Variants in ZFYVE1 observed in about 807,000 individuals in gnomAD.
The protein encoded by ZFYVE1 is zinc finger FYVE domain-containing protein 1.
In ZFYVE1, 30 loss-of-function variants were observed where a neutral mutation model predicts 74.4. The ratio of observed to expected loss-of-function variants is 0.40; its 90% CI spans 0.30 to 0.55. The LOEUF (loss-of-function observed/expected upper bound fraction) is 0.55. ZFYVE1 is among the 20% of genes least tolerant of loss of function. The pLI is 0.42. For synonymous variants in ZFYVE1, 335 were observed against 385.1 expected (o/e 0.87, Z 1.52); for missense variants, 703 against 1,011.6 (o/e 0.69, Z 4.14).
intron 3 of ZFYVE1, among the ~76,000 whole-genome samples, chr14:72,994,938 G>A (rs556101685): frequency 1.3e-5 from 2 of 152,300 alleles, no homozygotes; most frequent in South Asian, 2.1e-4. Context: ...AACTACCAAT[G>A]TATAAGGGTA....
chr14:73,004,948 A>C (rs1017121688), intron 2 of ZFYVE1, among the ~76,000 whole-genome samples: 4 of 150,852 alleles, frequency 2.7e-5, no homozygotes, highest in Non-Finnish European at 4.4e-5. Context: ...GTGAGCCGAG[A>C]TCACGCCACT....
Position 72,970,626 on chromosome 14 carries a change from T to A in ZFYVE1, c.*256A>T, listed in dbSNP as rs531964416. On this transcript the variant is annotated 3_prime_UTR_variant, in exon 12 of 12. Transcript: ENST00000556143. Reference sequence around the variant, plus strand: ...AGAGAGATATACACATATATATTCATTATTTTTAACTGAAATAAATGCAAC... The same window carrying A: ...AGAGAGATATACACATATATATTCAATATTTTTAACTGAAATAAATGCAAC... 2.4e-4 allele frequency: 129 copies of A among 547,652 alleles called. No individual in the cohort carries two copies. Among genetic ancestry groups the A allele is most frequent in the African/African-American group, 2.3e-3 (120 of 53,078 alleles). 33.9% of individuals were successfully genotyped at this position (547,652 alleles called of 1,614,324 possible). A position where few individuals can be genotyped will look rare whatever the true frequency, so the allele number is the denominator to read the frequency against.
intron 2 of ZFYVE1, among the ~76,000 whole-genome samples, chr14:73,020,019 G>C (rs926241822): frequency 3.3e-5 from 5 of 151,974 alleles, no homozygotes; most frequent in Non-Finnish European, 7.4e-5. Context: ...CACTTTGGGA[G>C]GCCAAGGCGG....
At position 72,970,895 on chromosome 14, in the gene ZFYVE1, G is replaced by A; in HGVS notation, c.2321C>T (p.Pro774Leu). ...AGGGGGCTGGGGTTAAAGGTCACCG[G>A]GCTTTTTATTGCAGTTGAAGCAGAC... ...VRVCFNCNKK[P>L]GDL Residue 774 changes from proline (P) to leucine (L), a missense_variant, in exon 12 of 12, where the codon CCC (proline) becomes CTC (leucine). Around this residue, in one of 2 missense-constraint regions of ZFYVE1, gnomAD observed 492 missense variants for 790.0 expected, o/e 0.62. Coordinates refer to ENST00000556143, the MANE Select transcript of ZFYVE1 (RefSeq NM_021260.4). 3 of 1,614,188 alleles carry A rather than the reference G, an allele frequency of 1.9e-6. No individual in the cohort carries two copies. The highest frequency in any genetic ancestry group is 2.5e-6 in the Non-Finnish European group (3 of 1,180,042).
intron 2 of ZFYVE1, among the ~76,000 whole-genome samples, chr14:73,015,458 A>T (rs1290778374): frequency 1.3e-5 from 2 of 150,798 alleles, no homozygotes; most frequent in East Asian, 4.0e-4. Flanking sequence ...GGGAGGGAGG[A>T]AATAGCAGAG....
At chr14:72,992,023 C>T (rs1893624618) in intron 4 of ZFYVE1, among the ~76,000 whole-genome samples, 1 of 152,022 alleles carries the variant, frequency 6.6e-6, no homozygotes, top group African/African-American at 2.4e-5. Context: ...TCTCCTGCCT[C>T]AGCCTCCCAA....
Position 73,003,372 on chromosome 14 carries a change from T to C in ZFYVE1, c.484-5057A>G, listed in dbSNP as rs143521010. Reference sequence around the variant, plus strand: ...GCTGATTCTCAAGAGTCTGCTGGTTTGATAACAGAGAAATATACAGACCAC... The same window carrying C: ...GCTGATTCTCAAGAGTCTGCTGGTTCGATAACAGAGAAATATACAGACCAC... On this transcript the variant is annotated intron_variant, in intron 2 of 11. Coordinates refer to ENST00000556143, the MANE Select transcript of ZFYVE1 (RefSeq NM_021260.4). 1.2e-3 allele frequency among the ~76,000 whole-genome samples: 176 copies of C among 152,260 alleles called. 1 individual carries two copies. The highest frequency in any genetic ancestry group is 2.9e-3 in the Admixed American group (44 of 15,270).
chr14:72,974,799 T>A lies in ZFYVE1; in HGVS notation c.1967A>T (p.Glu656Val). ...GTTACCTAACTGGACGTTCCTGGCT[T>A]CGTAGCAGTTGTCACAGACCCGCAC... is the stretch of plus-strand genomic sequence containing the variant. The part of the protein sequence containing the change: ...APVRVCDNCY[E>V]ARNVQLAVTE... The change falls in exon 10 of 12, where the codon GAA becomes GTA. Residue 656 changes from glutamate to valine, a missense_variant. Glu to Val is a moderately radical substitution (Grantham distance 121). Coordinates refer to ENST00000556143, the MANE Select transcript of ZFYVE1 (RefSeq NM_021260.4). 1 of 1,602,738 alleles carries A rather than the reference T, an allele frequency of 6.2e-7. No homozygotes were observed.
At chr14:73,012,139 G>A (rs938347890) in intron 2 of ZFYVE1, among the ~76,000 whole-genome samples, 2 of 152,034 alleles carry the variant, frequency 1.3e-5, no homozygotes, top group African/African-American at 2.4e-5. Flanking sequence ...GTGGAGGGTT[G>A]GGGAGAAGCA....
At chr14:73,003,674 C>T (rs764184403) in intron 2 of ZFYVE1, among the ~76,000 whole-genome samples, 9 of 151,860 alleles carry the variant, frequency 5.9e-5, no homozygotes, top group African/African-American at 9.7e-5. Context: ...CGTGCCACTG[C>T]ACTCCAGCCT....
At chr14:72,976,484 G>A (rs1162112209) in intron 8 of ZFYVE1, among the ~76,000 whole-genome samples, 1 of 152,098 alleles carries the variant, frequency 6.6e-6, no homozygotes, top group African/African-American at 2.4e-5. Context: ...AGAAAAAGGA[G>A]GAGAAAAATA....
At chr14:73,007,427 C>T (rs557166215) in intron 2 of ZFYVE1, among the ~76,000 whole-genome samples, 2 of 152,180 alleles carry the variant, frequency 1.3e-5, no homozygotes, top group African/African-American at 2.4e-5. Context: ...TGCTCTGTTG[C>T]CCAGGTTGGA....
At position 72,974,833 on chromosome 14, in the gene ZFYVE1, G is replaced by T; in HGVS notation, c.1933C>A (p.Pro645Thr). The T allele has an allele frequency of 6.2e-7, 1 of 1,613,126 alleles. No individual in the cohort carries two copies. Among genetic ancestry groups the T allele is most frequent in the Admixed American group, 1.7e-5 (1 of 59,988 alleles). ...TTGTCACAGACCCGCACTGGCGCAG[G>T]GCCCCAGCCCCGCTCAGGCACTGGC... is the stretch of plus-strand genomic sequence containing the variant. ...TRPVPERGWG[P>T]APVRVCDNCY... Residue 645 changes from proline (P) to threonine (T), a missense_variant, in exon 10 of 12, where the codon CCT becomes ACT. Around this residue, in one of 2 missense-constraint regions of ZFYVE1, gnomAD observed 492 missense variants for 790.0 expected, o/e 0.62. Coordinates refer to ENST00000556143, the MANE Select transcript of ZFYVE1 (RefSeq NM_021260.4).
At chr14:73,000,244 C>T (rs1219117357) in intron 2 of ZFYVE1, among the ~76,000 whole-genome samples, 1 of 152,116 alleles carries the variant, frequency 6.6e-6, no homozygotes, top group East Asian at 1.9e-4. Context: ...AAAAGATGCT[C>T]CAAGTCCTGA....
chr14:73,014,371 C>T (rs1894148724), intron 2 of ZFYVE1, among the ~76,000 whole-genome samples: 1 of 152,182 alleles, frequency 6.6e-6, no homozygotes, highest in Non-Finnish European at 1.5e-5. Flanking sequence ...TCATCCTCAA[C>T]CCTGTGTTTC....
intron 2 of ZFYVE1, among the ~76,000 whole-genome samples, chr14:73,022,458 C>A (rs1894337710): frequency 6.6e-6 from 1 of 152,166 alleles, no homozygotes; most frequent in East Asian, 1.9e-4. Flanking sequence ...CAGTGGACCA[C>A]AGATACTCCA....
In ZFYVE1 at chr14:72,981,843, C is replaced by G. The variant is rs574730059; in HGVS notation, c.1256G>C (p.Ser419Thr). ...GEIPDDQMAHSSFFPDEYFTC... is the reference protein window; with the variant it reads ...GEIPDDQMAHTSFFPDEYFTC... ...GAAATACTCATCTGGAAAAAAGGAGCTGTGCGCCATCTGGTCATCGGGGAT... is the reference window on the plus strand; with the variant it reads ...GAAATACTCATCTGGAAAAAAGGAGGTGTGCGCCATCTGGTCATCGGGGAT... The change falls in exon 5 of 12, where the codon AGC becomes ACC. Residue 419 changes from serine to threonine, a missense_variant. By Grantham distance (58) the Ser-to-Thr change is moderately conservative. Coordinates refer to ENST00000556143, the MANE Select transcript of ZFYVE1 (RefSeq NM_021260.4). 1 of 1,614,136 alleles carries G rather than the reference C, an allele frequency of 6.2e-7. No individual in the cohort carries two copies. The highest frequency in any genetic ancestry group is 2.2e-5 in the East Asian group (1 of 44,882).
At chr14:72,993,801 A>G (rs2140363543) in intron 3 of ZFYVE1, among the ~76,000 whole-genome samples, 1 of 152,124 alleles carries the variant, frequency 6.6e-6, no homozygotes, top group Non-Finnish European at 1.5e-5. Context: ...AGGCAGGTGG[A>G]TCACCAGGTC....
chr14:73,009,649 A>G (rs1319213319), intron 2 of ZFYVE1, among the ~76,000 whole-genome samples: 2 of 152,144 alleles, frequency 1.3e-5, no homozygotes, highest in Non-Finnish European at 2.9e-5. Flanking sequence ...CCAGCTACTC[A>G]GGAGGCTGAG....
Sources: gnomAD v4.1 joint callset for allele counts (sites outside exome capture counted in the v4.1 genomes callset) on GRCh38, gnomAD v4.1.1 for gene constraint, gnomAD v4.1.1 regional missense constraint, MANE v1.5 for transcripts, NCBI Gene and HGNC (gene_info 2026-07-23, HGNC 2026-07-21) for gene names.